Variants in SH2D4B observed in about 807,000 individuals in gnomAD.
SH2D4B encodes the protein SH2 domain-containing protein 4B.
In SH2D4B, 45 loss-of-function variants were observed where a neutral mutation model predicts 61.5. That is an observed-to-expected ratio of 0.73 (90% confidence interval 0.58 to 0.94). SH2D4B has a LOEUF of 0.94. SH2D4B is among the 40% of genes least tolerant of loss of function. SH2D4B has a pLI of 0.00. For missense variants in SH2D4B, 572 were observed against 574.2 expected (o/e 1.00, Z 0.04); for synonymous variants, 224 against 220.4 (o/e 1.02, Z -0.14).
At chr10:80,592,924 G>A (rs1842348097) in intron 4 of SH2D4B, among the ~76,000 whole-genome samples, 1 of 150,848 alleles carries the variant, frequency 6.6e-6, no homozygotes, top group Admixed American at 6.6e-5. Context: ...TTGCCATGTT[G>A]CCCAGTCTGG....
chr10:80,561,344 G>A (rs1956852127), intron 1 of SH2D4B, among the ~76,000 whole-genome samples: 1 of 152,164 alleles, frequency 6.6e-6, no homozygotes. Flanking sequence ...AATACATAAT[G>A]ACTTTTCTTG....
intron 1 of SH2D4B, among the ~76,000 whole-genome samples, chr10:80,565,360 C>G (rs1841952333): frequency 6.6e-6 from 1 of 150,796 alleles, no homozygotes; most frequent in African/African-American, 2.4e-5. Flanking sequence ...ATTCTACCCT[C>G]TATCTCCATG....
In SH2D4B at chr10:80,603,852, G is replaced by A. The variant is rs1011497433; in HGVS notation, c.860+57G>A. ...GGCAAGGGCCTTGGATTAGGGCATG[G>A]GACACCGGGGTCCCCGTCCCGGGTC... On this transcript the variant is annotated intron_variant, in intron 5 of 7. Transcript: ENST00000646907. The A allele has an allele frequency of 3.3e-6, 5 of 1,496,134 alleles. No individual in the cohort carries two copies. In the Admixed American group the frequency reaches 9.8e-5, roughly 29 times the overall value. 92.7% of individuals were successfully genotyped at this position (1,496,134 alleles called of 1,614,324 possible). A position where few individuals can be genotyped will look rare whatever the true frequency, so the allele number is the denominator to read the frequency against.
intron 4 of SH2D4B, among the ~76,000 whole-genome samples, chr10:80,602,574 TC>T (rs1233616176): frequency 2.0e-4 from 31 of 152,054 alleles, no homozygotes; most frequent in Non-Finnish European, 1.5e-5. Flanking sequence ...AAGATCCTCT[TC>T]CCCCTCCCTG....
chr10:80,548,324 C>T (rs1841708476), intron 1 of SH2D4B, among the ~76,000 whole-genome samples: 1 of 152,132 alleles, frequency 6.6e-6, no homozygotes, highest in African/African-American at 2.4e-5. Flanking sequence ...CCACCATGCC[C>T]AGCTAATATT....
At chr10:80,543,607 C>G (rs1002701894) in intron 1 of SH2D4B, among the ~76,000 whole-genome samples, 1 of 152,208 alleles carries the variant, frequency 6.6e-6, no homozygotes, top group East Asian at 1.9e-4. Context: ...GGGCGCACCG[C>G]GCGGGACTGG....
At chr10:80,560,679 C>T (rs1464599033) in intron 1 of SH2D4B, among the ~76,000 whole-genome samples, 2 of 148,112 alleles carry the variant, frequency 1.4e-5, no homozygotes, top group Non-Finnish European at 3.0e-5. Flanking sequence ...CCTGAACCAC[C>T]GTTCCTGGCC....
chr10:80,585,329 T>TA (rs1362163722), intron 3 of SH2D4B, among the ~76,000 whole-genome samples: 3 of 150,734 alleles, frequency 2.0e-5, no homozygotes, highest in Non-Finnish European at 4.4e-5. Context: ...TCTTTTTCTT[T>TA]TTTTTTTTTT....
chr10:80,562,894 C>CTTTTTTTTT (rs34539206), intron 1 of SH2D4B, among the ~76,000 whole-genome samples: 102 of 74,698 alleles, frequency 1.4e-3, no homozygotes, highest in African/African-American at 2.7e-3. Flanking sequence ...AACATTTTTT[C>CTTTTTTTTT]TTTTTTTTTT....
intron 4 of SH2D4B, among the ~76,000 whole-genome samples, chr10:80,589,803 T>G (rs1842305732): frequency 6.6e-6 from 1 of 151,914 alleles, no homozygotes; most frequent in African/African-American, 2.4e-5. Flanking sequence ...GCACTGTAGG[T>G]AGAGGCTCCA....
chr10:80,574,411 C>T (rs757436017), intron 3 of SH2D4B, among the ~76,000 whole-genome samples: 2 of 152,252 alleles, frequency 1.3e-5, no homozygotes, highest in Non-Finnish European at 2.9e-5. Flanking sequence ...GCTGGGATTA[C>T]AGGCATGAGC....
chr10:80,544,505 T>G (rs925864829), intron 1 of SH2D4B, among the ~76,000 whole-genome samples: 25 of 152,236 alleles, frequency 1.6e-4, no homozygotes, highest in Non-Finnish European at 3.2e-4. Context: ...CACCATCCTT[T>G]TCACTAGGCA....
intron 7 of SH2D4B, among the ~76,000 whole-genome samples, chr10:80,638,447 A>T (rs1255995607): frequency 6.6e-6 from 1 of 152,162 alleles, no homozygotes; most frequent in East Asian, 1.9e-4. Flanking sequence ...TCTATTAATT[A>T]TTGCCTCAAT....
At position 80,644,180 on chromosome 10, in the gene SH2D4B, C is replaced by T. The variant is rs576733983; in HGVS notation, c.*95C>T. ...CAAATCCTATGGCCTTCTGGAAGAT[C>T]CACCACTATCCAAAGGAAAAAGTAG... On this transcript the variant is annotated 3_prime_UTR_variant, in exon 8 of 8. Transcript: ENST00000646907. 7 of 940,740 alleles carry T rather than the reference C, an allele frequency of 7.4e-6. No individual in the cohort carries two copies. Among genetic ancestry groups the T allele is most frequent in the East Asian group, 5.2e-5 (2 of 38,528 alleles). 58.3% of individuals were successfully genotyped at this position (940,740 alleles called of 1,614,324 possible).
At chr10:80,616,069 T>C (rs936420062) in intron 6 of SH2D4B, among the ~76,000 whole-genome samples, 2 of 152,094 alleles carry the variant, frequency 1.3e-5, no homozygotes, top group Non-Finnish European at 2.9e-5. Flanking sequence ...GAAAAAGACC[T>C]GTGCACAAAA....
chr10:80,546,629 C>T (rs770989204), intron 1 of SH2D4B, among the ~76,000 whole-genome samples: 2 of 151,116 alleles, frequency 1.3e-5, no homozygotes, highest in Admixed American at 6.6e-5. Flanking sequence ...GGGTTCATGC[C>T]ATTCTCCTGC....
intron 6 of SH2D4B, among the ~76,000 whole-genome samples, chr10:80,617,978 G>A (rs1842678567): frequency 6.6e-6 from 1 of 152,188 alleles, no homozygotes; most frequent in East Asian, 1.9e-4. Context: ...CAGGTGATCT[G>A]CCTTGATTAG....
intron 3 of SH2D4B, among the ~76,000 whole-genome samples, chr10:80,577,536 C>T (rs1437353692): frequency 6.6e-6 from 1 of 151,822 alleles, no homozygotes; most frequent in Admixed American, 6.6e-5. Context: ...ATGCCATTCT[C>T]CTGCCTCAGC....
chr10:80,599,638 A>C (rs1564779464), intron 4 of SH2D4B, among the ~76,000 whole-genome samples: 1 of 152,208 alleles, frequency 6.6e-6, no homozygotes, highest in Non-Finnish European at 1.5e-5. Flanking sequence ...CGCAGGCTTC[A>C]GGACCACAAG....
Sources: allele counts gnomAD v4.1 joint callset (sites outside exome capture counted in the v4.1 genomes callset), GRCh38; gene constraint gnomAD v4.1.1; transcripts MANE v1.5; gene names NCBI Gene and HGNC (gene_info 2026-07-23, HGNC 2026-07-21).